The following ADGRL2 variants were observed in gnomAD, a reference collection of about 807,000 sequenced individuals.
ADGRL2 encodes the protein calcium-independent alpha-latrotoxin receptor 2.
In ADGRL2, 44 loss-of-function variants were observed where a neutral mutation model predicts 157.4. The ratio of observed to expected loss-of-function variants is 0.28; its 90% CI spans 0.22 to 0.36. The LOEUF (loss-of-function observed/expected upper bound fraction) is 0.36. Ranked by LOEUF, ADGRL2 falls within the 10% of genes least tolerant of loss-of-function variation. The pLI, the probability that ADGRL2 is intolerant of heterozygous loss-of-function variation, is 1.00. For synonymous variants in ADGRL2, 585 were observed against 624.7 expected, an observed-to-expected ratio of 0.94 and a Z score of 0.95; for missense variants, 1,510 against 1,768.9, an observed-to-expected ratio of 0.85 and a Z score of 2.63.
intron 2 of ADGRL2, among the ~76,000 whole-genome samples, chr1:81,484,732 G>A (rs2078463503): frequency 6.6e-6 from 1 of 151,598 alleles, no homozygotes; most frequent in African/African-American, 2.4e-5. Context: ...CGTCTTAGAA[G>A]GGCATTCTAT....
intron 2 of ADGRL2, among the ~76,000 whole-genome samples, chr1:81,841,095 G>A (rs2092559429): frequency 6.6e-6 from 1 of 152,156 alleles, no homozygotes; most frequent in Admixed American, 6.6e-5. Flanking sequence ...AGCAAATTCA[G>A]TAATGCAGAT....
At chr1:81,877,224 A>G (rs2151132419) in intron 2 of ADGRL2, among the ~76,000 whole-genome samples, 1 of 152,242 alleles carries the variant, frequency 6.6e-6, no homozygotes, top group Non-Finnish European at 1.5e-5. Context: ...ATTAAAATTT[A>G]TTGCTGCAAT....
chr1:81,578,919 T>G (rs2080850546), intron 2 of ADGRL2, among the ~76,000 whole-genome samples: 2 of 152,154 alleles, frequency 1.3e-5, no homozygotes, highest in Non-Finnish European at 2.9e-5. Flanking sequence ...TTTTAGAAAA[T>G]CATATAAAAT....
chr1:81,786,941 G>A (rs536824138), intron 2 of ADGRL2, among the ~76,000 whole-genome samples: 58 of 152,246 alleles, frequency 3.8e-4, no homozygotes, highest in African/African-American at 1.3e-3. Context: ...TAATTCCCAC[G>A]TGTTGTGGGA....
At chr1:81,594,553 AG>A (rs2081195172) in intron 3 of ADGRL2, among the ~76,000 whole-genome samples, 2 of 152,224 alleles carry the variant, frequency 1.3e-5, no homozygotes, top group African/African-American at 4.8e-5. Context: ...ACTTTTCAAC[AG>A]TTGGGATTTT....
At chr1:81,724,135 T>C (rs999165252) in intron 1 of ADGRL2, among the ~76,000 whole-genome samples, 1 of 152,146 alleles carries the variant, frequency 6.6e-6, no homozygotes, top group Admixed American at 6.5e-5. Context: ...TAATTTAATA[T>C]GTAATACATA....
At chr1:81,594,505 AG>A (rs1268976319) in intron 3 of ADGRL2, among the ~76,000 whole-genome samples, 3 of 152,204 alleles carry the variant, frequency 2.0e-5, no homozygotes, top group South Asian at 4.1e-4. Flanking sequence ...TATAAGGAAA[AG>A]TTAAGTTAGT....
At chr1:81,693,881 T>A (rs1454255689) in intron 3 of ADGRL2, among the ~76,000 whole-genome samples, 1 of 152,086 alleles carries the variant, frequency 6.6e-6, no homozygotes, top group Non-Finnish European at 1.5e-5. Flanking sequence ...CCACAAACAT[T>A]TTTTGATATT....
At chr1:81,829,441 C>A (rs966796143) in intron 1 of ADGRL2, among the ~76,000 whole-genome samples, 1 of 152,078 alleles carries the variant, frequency 6.6e-6, no homozygotes, top group African/African-American at 2.4e-5. Context: ...TTGGCATAAT[C>A]GGGACTAACC....
chr1:81,497,512 G>T (rs1309253163), intron 2 of ADGRL2, among the ~76,000 whole-genome samples: 1 of 151,998 alleles, frequency 6.6e-6, no homozygotes, highest in Admixed American at 6.6e-5. Flanking sequence ...GAACAAAAAT[G>T]CTTTATAATA....
At chr1:81,408,340 T>G (rs1371169047) in intron 1 of ADGRL2, among the ~76,000 whole-genome samples, 2 of 152,184 alleles carry the variant, frequency 1.3e-5, no homozygotes, top group East Asian at 1.9e-4. Context: ...TTCTTCCTAT[T>G]TCTTCTCATA....
intron 1 of ADGRL2, among the ~76,000 whole-genome samples, chr1:81,413,796 T>C (rs546055476): frequency 2.0e-5 from 3 of 152,334 alleles, no homozygotes; most frequent in South Asian, 2.1e-4. Context: ...TTCACAGTGG[T>C]ATGTTATCTA....
chr1:81,439,627 C>T lies in ADGRL2; in HGVS notation c.-301-5409C>T, dbSNP rs997398340. ...GGGCCCATGGCCAGGCCAGGTGTGT[C>T]GCCTTGAGGGGAATGCAGCAGCACC... On this transcript the variant is annotated intron_variant, in intron 1 of 24. Transcript: ENST00000370721. Among the ~76,000 whole-genome samples, 11 of 152,332 alleles carry T rather than the reference C, an allele frequency of 7.2e-5. No homozygotes were observed. In the East Asian group the frequency reaches 9.7e-4, roughly 13 times the overall value.
intron 1 of ADGRL2, among the ~76,000 whole-genome samples, chr1:81,824,963 C>CTCTCTCTCTCTT (rs1334424320): frequency 2.2e-5 from 3 of 138,458 alleles, no homozygotes; most frequent in Non-Finnish European, 4.8e-5. Context: ...CTCTCTCTCT[C>CTCTCTCTCTCTT]TCTCTCTCTC....
chr1:81,493,486 T>C (rs2078674653), intron 2 of ADGRL2, among the ~76,000 whole-genome samples: 1 of 152,198 alleles, frequency 6.6e-6, no homozygotes, highest in African/African-American at 2.4e-5. Flanking sequence ...TTAGGCCTAT[T>C]TCTCAAAAGT....
chr1:81,316,483 A>G lies in ADGRL2; in HGVS notation c.-302+9974A>G, dbSNP rs532856972. 7.9e-5 allele frequency among the ~76,000 whole-genome samples: 12 copies of G among 152,254 alleles called. No individual in the cohort carries two copies. The East Asian group carries it at 2.3e-3, about 29-fold the overall frequency. On this transcript the variant is annotated intron_variant, in intron 1 of 24. Coordinates refer to the ADGRL2 transcript ENST00000370721. Reference sequence around the variant, plus strand: ...TTAGAAAATGATTAAAGTTGGATATATTGTGTTTTAGGCCAATCATATTTT... The same window carrying G: ...TTAGAAAATGATTAAAGTTGGATATGTTGTGTTTTAGGCCAATCATATTTT...
chr1:81,350,391 G>A (rs1016629485), intron 1 of ADGRL2, among the ~76,000 whole-genome samples: 5 of 152,266 alleles, frequency 3.3e-5, no homozygotes, highest in African/African-American at 1.2e-4. Flanking sequence ...TTGTAAAAGA[G>A]TTGTGTTCTG....
At chr1:81,360,224 C>T (rs563358038) in intron 1 of ADGRL2, among the ~76,000 whole-genome samples, 4 of 151,966 alleles carry the variant, frequency 2.6e-5, no homozygotes, top group Non-Finnish European at 5.9e-5. Context: ...TCAAGAACAG[C>T]CTTTGAACTG....
intron 1 of ADGRL2, among the ~76,000 whole-genome samples, chr1:81,418,496 A>G (rs936433478): frequency 3.9e-5 from 6 of 152,234 alleles, no homozygotes; most frequent in Non-Finnish European, 8.8e-5. Flanking sequence ...TCACGCCTGT[A>G]ATCCCAGCAC....
Sources: allele counts gnomAD v4.1 joint callset (sites outside exome capture counted in the v4.1 genomes callset), GRCh38; gene constraint gnomAD v4.1.1; transcripts MANE v1.5; gene names NCBI Gene and HGNC (gene_info 2026-07-23, HGNC 2026-07-21).